Variants in PDS5B observed in about 807,000 individuals in gnomAD.
PDS5B encodes PDS5 cohesin associated factor B.
Under a neutral mutation model 184.1 loss-of-function variants are expected in PDS5B, and 51 were observed. The ratio of observed to expected loss-of-function variants is 0.28; its 90% CI spans 0.22 to 0.35. PDS5B has a LOEUF of 0.35. Ranked by LOEUF, PDS5B falls within the 10% of genes least tolerant of loss-of-function variation. The probability of loss-of-function intolerance (pLI) is 1.00; values close to 1 mark genes in which losing one functional copy is unlikely to be tolerated. For synonymous variants in PDS5B, 566 were observed against 569.2 expected (o/e 0.99, Z 0.08); for missense variants, 1,180 against 1,723.3 (o/e 0.68, Z 5.58).
At chr13:32,721,802 A>T (rs13378700) in intron 19 of PDS5B, among the ~76,000 whole-genome samples, 1 of 147,418 alleles carries the variant, frequency 6.8e-6, no homozygotes, top group African/African-American at 2.5e-5. Context: ...GACAATGGGC[A>T]GCCAGGCAGA....
intron 11 of PDS5B, 74 bp from the exon 12 acceptor site, chr13:32,687,060 T>G (rs1951417192): frequency 8.5e-7 from 1 of 1,176,136 alleles, no homozygotes; most frequent in South Asian, 1.5e-5. Context: ...AACACAAAAC[T>G]AGGAAACTAG....
Position 32,774,497 on chromosome 13 carries a change from G to A in PDS5B, c.4309-520G>A, listed in dbSNP as rs553340979. 2.6e-3 allele frequency among the ~76,000 whole-genome samples: 395 copies of A among 152,218 alleles called. 1 individual carries two copies. Among genetic ancestry groups the A allele is most frequent in the South Asian group, 0.017 (80 of 4,834 alleles). ...TAAAACCCTCTTTTATATTCCTATT[G>A]TTAATATTGACATTTTTTGAACTAA... On this transcript the variant is annotated intron_variant, in intron 34 of 34. Transcript: ENST00000315596.
chr13:32,670,931 G>T (rs1332723433), intron 7 of PDS5B, among the ~76,000 whole-genome samples: 5 of 152,182 alleles, frequency 3.3e-5, no homozygotes, highest in Non-Finnish European at 7.3e-5. Context: ...ATTTATTACT[G>T]ACTGGTGACA....
At chr13:32,599,636 C>A (rs529562404) in intron 1 of PDS5B, among the ~76,000 whole-genome samples, 19 of 150,046 alleles carry the variant, frequency 1.3e-4, no homozygotes, top group African/African-American at 4.2e-4. Flanking sequence ...AAATACCGGC[C>A]GGGCGCGGTG....
At chr13:32,747,305 A>T (rs1953783757) in intron 24 of PDS5B, among the ~76,000 whole-genome samples, 2 of 152,146 alleles carry the variant, frequency 1.3e-5, no homozygotes, top group Admixed American at 1.3e-4. Context: ...TACTTCAGTG[A>T]TCATTGCAAT....
At chr13:32,656,595 CT>C (rs561702930) in intron 3 of PDS5B, among the ~76,000 whole-genome samples, 3,087 of 128,174 alleles carry the variant, frequency 0.024, 55 homozygotes, top group African/African-American at 0.058. Context: ...CTTTTTGTGG[CT>C]TTTTTTTTTT....
At chr13:32,654,595 C>T (rs908934502) in intron 3 of PDS5B, among the ~76,000 whole-genome samples, 1 of 152,010 alleles carries the variant, frequency 6.6e-6, no homozygotes, top group Non-Finnish European at 1.5e-5. Flanking sequence ...AGGTAAATTA[C>T]ATGTCATGAG....
intron 31 of PDS5B, among the ~76,000 whole-genome samples, chr13:32,765,519 CAAG>C (rs1233376231): frequency 1.3e-5 from 2 of 152,206 alleles, no homozygotes; most frequent in African/African-American, 4.8e-5. Context: ...TTACACATGC[CAAG>C]AAGTTTATTT....
At chr13:32,605,521 T>C (rs1000469989) in intron 1 of PDS5B, among the ~76,000 whole-genome samples, 4 of 152,220 alleles carry the variant, frequency 2.6e-5, no homozygotes, top group African/African-American at 9.6e-5. Flanking sequence ...ATAAGTGCGA[T>C]GTGGTGCTGA....
Position 32,692,479 on chromosome 13 carries a change from C to T in PDS5B, c.1470-1744C>T, listed in dbSNP as rs538718709. On this transcript the variant is annotated intron_variant, in intron 13 of 34. Coordinates refer to ENST00000315596, the MANE Select transcript of PDS5B (RefSeq NM_015032.4). ...CGATGGGTGACTTGTCAGTTGGGAG[C>T]TAAAGGTTAGAGGACAGGTCCTCTT... Among the ~76,000 whole-genome samples the T allele has an allele frequency of 4.2e-4, 50 of 120,450 alleles. 1 individual carries two copies. The South Asian group carries it at 8.7e-3, about 21-fold the overall frequency. 79.0% of individuals were successfully genotyped at this position (120,450 alleles called of 152,430 possible).
chr13:32,642,363 A>G (rs1164316026), intron 1 of PDS5B, among the ~76,000 whole-genome samples: 1 of 152,172 alleles, frequency 6.6e-6, no homozygotes. Flanking sequence ...CTTACAGTCT[A>G]GTGGGAGAGA....
At chr13:32,739,010 A>G (rs1032210080) in intron 21 of PDS5B, among the ~76,000 whole-genome samples, 3 of 152,116 alleles carry the variant, frequency 2.0e-5, no homozygotes, top group Non-Finnish European at 4.4e-5. Flanking sequence ...AGCTGTATTT[A>G]TCATTATTCT....
intron 8 of PDS5B, among the ~76,000 whole-genome samples, chr13:32,673,850 T>C (rs1253824482): frequency 6.6e-6 from 1 of 152,104 alleles, no homozygotes; most frequent in Non-Finnish European, 1.5e-5. Flanking sequence ...TTTTTTTGTT[T>C]TGTTGCCCAG....
intron 1 of PDS5B, among the ~76,000 whole-genome samples, chr13:32,641,331 CT>C (rs1212525708): frequency 1.3e-5 from 2 of 152,006 alleles, no homozygotes; most frequent in Non-Finnish European, 2.9e-5. Context: ...TGTGTTGCTC[CT>C]TTTCTGCTTC....
At position 32,753,358 on chromosome 13, in the gene PDS5B, G is replaced by A; in HGVS notation, c.2763G>A (p.Val921=). The A allele has an allele frequency of 6.2e-7, 1 of 1,613,780 alleles. No individual in the cohort carries two copies. Among genetic ancestry groups the A allele is most frequent in the Non-Finnish European group, 8.5e-7 (1 of 1,179,726 alleles). Residue 921 remains valine, a synonymous_variant, in exon 25 of 35, where the codon GTG becomes GTA. Transcript: ENST00000315596. ...INDECYQVRQ[V]FAQKLHKGLS... ...ATGAATGCTATCAAGTAAGACAAGTGTTTGCCCAGAAACTTCACAAAGGCC... is the reference window on the plus strand; with the variant it reads ...ATGAATGCTATCAAGTAAGACAAGTATTTGCCCAGAAACTTCACAAAGGCC...
At chr13:32,761,924 C>T (rs1171984797) in intron 30 of PDS5B, among the ~76,000 whole-genome samples, 1 of 152,192 alleles carries the variant, frequency 6.6e-6, no homozygotes, top group Non-Finnish European at 1.5e-5. Context: ...TTCCCACCAA[C>T]AACATATAAG....
chr13:32,705,251 T>C (rs893051903), intron 17 of PDS5B, among the ~76,000 whole-genome samples: 5 of 152,224 alleles, frequency 3.3e-5, no homozygotes, highest in African/African-American at 1.2e-4. Context: ...AGTTTACTTT[T>C]GGAAATGTGA....
intron 1 of PDS5B, among the ~76,000 whole-genome samples, chr13:32,598,770 CTTTTTTT>C (rs756301581): frequency 6.7e-4 from 85 of 126,340 alleles, no homozygotes; most frequent in Admixed American, 1.7e-3. Context: ...TTTTTTCTCT[CTTTTTTT>C]TTTTTTTTTT....
chr13:32,675,499 T>G (rs530493752), intron 8 of PDS5B, among the ~76,000 whole-genome samples: 2 of 152,254 alleles, frequency 1.3e-5, no homozygotes, highest in East Asian at 1.9e-4. Flanking sequence ...CCACACATAG[T>G]TTTTCAAGGG....
Sources: gnomAD v4.1 joint callset for allele counts (sites outside exome capture counted in the v4.1 genomes callset) on GRCh38, gnomAD v4.1.1 for gene constraint, MANE v1.5 for transcripts, NCBI Gene and HGNC (gene_info 2026-07-23, HGNC 2026-07-21) for gene names.